ASNS: variants seen among roughly 807,000 people sequenced by gnomAD.
ASNS encodes the protein asparagine synthetase (glutamine-hydrolyzing).
ASNS carries 37 observed loss-of-function variants against 62.6 expected under a neutral mutation model. The observed-to-expected ratio is 0.59, with a 90% CI of 0.45 to 0.78. ASNS has a LOEUF of 0.78. Ranked by LOEUF, ASNS falls within the 30% of genes least tolerant of loss-of-function variation. The pLI, the probability that ASNS is intolerant of heterozygous loss-of-function variation, is 0.00. For missense variants in ASNS, 520 were observed against 682.4 expected (o/e 0.76, Z 2.65); for synonymous variants, 207 against 237.9 (o/e 0.87, Z 1.19).
At chr7:97,926,650 C>A in the ASNS span, among the ~76,000 whole-genome samples, 1 of 152,134 alleles carries the variant, frequency 6.6e-6, no homozygotes, top group Non-Finnish European at 1.5e-5. Context: ...TCCCTCTTTT[C>A]AAGGGGCCGC....
the ASNS span, among the ~76,000 whole-genome samples, chr7:97,882,300 G>A: frequency 6.6e-6 from 1 of 152,142 alleles, no homozygotes; most frequent in Non-Finnish European, 1.5e-5. Context: ...TGTAATCCTA[G>A]CACTTTCGGA....
chr7:97,853,170 TG>T lies in ASNS; in HGVS notation c.1365del (p.Asn456IlefsTer2), dbSNP rs1351649810. The T allele has an allele frequency of 6.2e-7, 1 of 1,611,530 alleles. No individual in the cohort carries two copies. Among genetic ancestry groups the T allele is most frequent in the Non-Finnish European group, 8.5e-7 (1 of 1,179,078 alleles). ...CAGAGAATCTCTTTGGGTATCAGAT[TG>T]GAATCCTCAAACGTCTCTCTCAGGA... Reference protein sequence around the residue: ...KHLLRETFEDSNLIPKEILWR... With the variant: ...KHLLRETFEDXNLIPKEILWR... On this transcript the variant is annotated frameshift_variant, in exon 12 of 13. Coordinates refer to ENST00000394308, the MANE Select transcript of ASNS (RefSeq NM_001673.5). LOFTEE classifies it high-confidence loss of function.
the ASNS span, among the ~76,000 whole-genome samples, chr7:97,896,713 C>T: frequency 0.098 from 3,637 of 37,040 alleles, 113 homozygotes; most frequent in East Asian, 0.24. Flanking sequence ...TATATATATA[C>T]ACACACACAC....
the ASNS span, among the ~76,000 whole-genome samples, chr7:97,900,739 G>A: frequency 4.1e-3 from 618 of 152,188 alleles, 1 homozygote; most frequent in African/African-American, 0.014. Context: ...TGCTCCAATC[G>A]TGGAGGAAGA....
chr7:97,902,437 C>A, the ASNS span, among the ~76,000 whole-genome samples: 1 of 152,114 alleles, frequency 6.6e-6, no homozygotes, highest in Non-Finnish European at 1.5e-5. Context: ...ACTGGCCAGA[C>A]GCAGTGGCTC....
rs773526843 is a variant in ASNS, at chr7:97,852,093, A to G, written c.*166T>C. On this transcript the variant is annotated 3_prime_UTR_variant, in exon 13 of 13. Transcript: ENST00000394308. ...AAACAGTTCTAGTTACCTCTTATGA[A>G]GAGACTGCATGAACATAAATGACTA... is the stretch of plus-strand genomic sequence containing the variant. The G allele has an allele frequency of 1.4e-5, 10 of 724,256 alleles. No individual in the cohort carries two copies. Among genetic ancestry groups the G allele is most frequent in the Non-Finnish European group, 2.2e-5 (10 of 446,974 alleles). 44.9% of individuals were successfully genotyped at this position (724,256 alleles called of 1,614,324 possible). A position where few individuals can be genotyped will look rare whatever the true frequency, so the allele number is the denominator to read the frequency against.
At chr7:97,927,357 G>T in the ASNS span, among the ~76,000 whole-genome samples, 6 of 142,590 alleles carry the variant, frequency 4.2e-5, no homozygotes, top group East Asian at 1.0e-3. Flanking sequence ...TTCTATGGAC[G>T]AGCATCCCTT....
chr7:97,906,713 C>T, the ASNS span: 1 of 154,400 alleles, frequency 6.5e-6, no homozygotes, highest in Non-Finnish European at 1.4e-5. Flanking sequence ...TAGAGCTATA[C>T]ACATAGAGAG....
At chr7:97,927,592 G>A in the ASNS span, among the ~76,000 whole-genome samples, 25 of 142,432 alleles carry the variant, frequency 1.8e-4, no homozygotes, top group African/African-American at 6.5e-4. Flanking sequence ...CTTTGGCAGA[G>A]TCCACGTAAA....
chr7:97,918,264 G>C, the ASNS span, among the ~76,000 whole-genome samples: 1 of 152,174 alleles, frequency 6.6e-6, no homozygotes, highest in Admixed American at 6.5e-5. Flanking sequence ...CCGGATGACT[G>C]GATGGAATTT....
the ASNS span, among the ~76,000 whole-genome samples, chr7:97,906,149 G>A: frequency 2.6e-5 from 4 of 152,080 alleles, no homozygotes; most frequent in Non-Finnish European, 5.9e-5. Context: ...CCATGCAGTT[G>A]ATTCCCAGAT....
the ASNS span, among the ~76,000 whole-genome samples, chr7:97,903,144 GCT>G: frequency 6.6e-6 from 1 of 152,012 alleles, no homozygotes; most frequent in Non-Finnish European, 1.5e-5. Flanking sequence ...CACAGTATCT[GCT>G]CTTTCGTGCT....
chr7:97,903,675 A>C, the ASNS span, among the ~76,000 whole-genome samples: 1 of 152,172 alleles, frequency 6.6e-6, no homozygotes, highest in African/African-American at 2.4e-5. Flanking sequence ...AAAAACAAAC[A>C]CTTCTGCATC....
At chr7:97,920,702 T>C in the ASNS span, among the ~76,000 whole-genome samples, 1 of 152,230 alleles carries the variant, frequency 6.6e-6, no homozygotes, top group Non-Finnish European at 1.5e-5. Context: ...AGGAGGGCTG[T>C]GTAGGAAGCT....
the ASNS span, among the ~76,000 whole-genome samples, chr7:97,909,844 A>G: frequency 7.9e-5 from 12 of 152,284 alleles, no homozygotes; most frequent in African/African-American, 2.2e-4. Flanking sequence ...ACATTAACTC[A>G]TGGCAAACAC....
intron 8 of ASNS, 35 bp downstream of exon 8, chr7:97,856,655 A>G (rs1791448276): frequency 6.6e-7 from 1 of 1,510,182 alleles, no homozygotes; most frequent in Non-Finnish European, 8.9e-7. Context: ...AGTATTAAAA[A>G]AAGCTTTTTA....
chr7:97,866,960 A>G (rs976345741), intron 3 of ASNS, among the ~76,000 whole-genome samples: 1 of 152,256 alleles, frequency 6.6e-6, no homozygotes, highest in Admixed American at 6.5e-5. Context: ...TTAGTAAGCA[A>G]CAGCTTCCCA....
intron 5 of ASNS, 103 bp from the exon 6 acceptor site, chr7:97,859,058 C>T: frequency 1.4e-6 from 2 of 1,388,590 alleles, no homozygotes; most frequent in Non-Finnish European, 2.0e-6. Context: ...ATGGTATTTA[C>T]TCAATGGTGG....
chr7:97,912,565 CTTTTTTTTTT>C, the ASNS span, among the ~76,000 whole-genome samples: 32 of 41,486 alleles, frequency 7.7e-4, no homozygotes, highest in African/African-American at 2.4e-3. Context: ...GTTAACTTTG[CTTTTTTTTTT>C]TTTTTTTTTT....
Sources: allele counts gnomAD v4.1 joint callset (sites outside exome capture counted in the v4.1 genomes callset), GRCh38; gene constraint gnomAD v4.1.1; transcripts MANE v1.5; gene names NCBI Gene and HGNC (gene_info 2026-07-23, HGNC 2026-07-21).